The following VASP variants were observed in gnomAD, a reference collection of about 807,000 sequenced individuals.
VASP encodes the protein vasodilator stimulated phosphoprotein.
VASP carries 27 observed loss-of-function variants against 54.4 expected under a neutral mutation model. The ratio of observed to expected loss-of-function variants is 0.50; its 90% confidence interval spans 0.37 to 0.68. VASP has a LOEUF of 0.68. Ranked by LOEUF, VASP falls within the 30% of genes least tolerant of loss-of-function variation. VASP has a pLI of 0.00. For missense variants in VASP, 488 were observed against 528.3 expected (o/e 0.92, Z 0.75); for synonymous variants, 233 against 209.8 (o/e 1.11, Z -0.96).
intron 1 of VASP, among the ~76,000 whole-genome samples, chr19:45,513,938 G>A (rs1302197788): frequency 1.3e-5 from 2 of 152,210 alleles, no homozygotes; most frequent in Non-Finnish European, 2.9e-5. Context: ...TCTAGGTTCT[G>A]GGGACACAGC....
intron 7 of VASP, among the ~76,000 whole-genome samples, chr19:45,523,317 C>G (rs941621290): frequency 6.7e-6 from 1 of 148,290 alleles, no homozygotes; most frequent in Admixed American, 6.9e-5. Context: ...GTTCTTCTGC[C>G]TCAGCCTCCT....
chr19:45,526,147 C>G lies in VASP; in HGVS notation c.1113C>G (p.Val371=). The change falls in exon 13 of 13, where the codon GTC becomes GTG. Residue 371 remains valine, a synonymous_variant. Coordinates refer to ENST00000245932, the MANE Select transcript of VASP (RefSeq NM_003370.4). ...CTCCTTGTTTCCTTCCAGCCTTCGT[C>G]CAGGAGCTGAGGAAGCGGGGTTCTC... ...KVKEEIIEAF[V]QELRKRGSP 1.2e-6 allele frequency: 2 copies of G among 1,613,748 alleles called. No homozygotes were observed. The highest frequency in any genetic ancestry group is 1.7e-6 in the Non-Finnish European group (2 of 1,179,940).
chr19:45,510,697 C>A (rs1049348738), intron 1 of VASP, among the ~76,000 whole-genome samples: 9 of 152,072 alleles, frequency 5.9e-5, no homozygotes, highest in African/African-American at 2.2e-4. Flanking sequence ...CTTTGGGAGG[C>A]CAAGGCAGAA....
chr19:45,520,500 A>G (rs1968808827), intron 3 of VASP, among the ~76,000 whole-genome samples: 1 of 152,228 alleles, frequency 6.6e-6, no homozygotes, highest in Admixed American at 6.5e-5. Flanking sequence ...GCACACAGAA[A>G]AATACAGTGG....
At chr19:45,514,752 G>A (rs996812112) in intron 1 of VASP, among the ~76,000 whole-genome samples, 8 of 152,224 alleles carry the variant, frequency 5.3e-5, no homozygotes, top group Middle Eastern at 3.4e-3. Context: ...GGGTGAGGCC[G>A]AGGCCTTAAC....
rs117611675 is a variant in VASP at position 45,525,811 on chromosome 19, A to G, written c.1048-135A>G. On this transcript the variant is annotated intron_variant, in intron 11 of 12. Coordinates refer to ENST00000245932, the MANE Select transcript of VASP (RefSeq NM_003370.4). ...CTGAGCCTGGGAAGTTGAGGCTGCAATGAGCTGTGATCATGCCATTGCACC... is the reference window on the plus strand; with the variant it reads ...CTGAGCCTGGGAAGTTGAGGCTGCAGTGAGCTGTGATCATGCCATTGCACC... The G allele has an allele frequency of 6.0e-3, 4,881 of 806,818 alleles. 20 individuals are homozygous for G. The highest frequency in any genetic ancestry group is 7.6e-3 in the Non-Finnish European group (3,900 of 510,698). 50.0% of individuals were successfully genotyped at this position (806,818 alleles called of 1,614,324 possible). A position where few individuals can be genotyped will look rare whatever the true frequency, so the allele number is the denominator to read the frequency against.
In VASP at chr19:45,526,147, C is replaced by T; in HGVS notation, c.1113C>T (p.Val371=). 1 of 1,613,748 alleles carries T rather than the reference C, an allele frequency of 6.2e-7. No homozygotes were observed. Among genetic ancestry groups the T allele is most frequent in the Non-Finnish European group, 8.5e-7 (1 of 1,179,940 alleles). The change falls in exon 13 of 13, where the codon GTC becomes GTT. Residue 371 remains valine, a synonymous_variant. Transcript: ENST00000245932. ...CTCCTTGTTTCCTTCCAGCCTTCGT[C>T]CAGGAGCTGAGGAAGCGGGGTTCTC... ...KVKEEIIEAF[V]QELRKRGSP
intron 1 of VASP, among the ~76,000 whole-genome samples, chr19:45,511,478 G>A (rs1436825792): frequency 6.6e-6 from 1 of 152,118 alleles, no homozygotes; most frequent in Non-Finnish European, 1.5e-5. Flanking sequence ...AACTTGAACC[G>A]TCTTTTCATC....
In VASP at chr19:45,522,749, C is replaced by G; in HGVS notation, c.752C>G (p.Pro251Arg). 6.2e-7 allele frequency: 1 copy of G among 1,602,590 alleles called. No individual in the cohort carries two copies. Among genetic ancestry groups the G allele is most frequent in the Non-Finnish European group, 8.5e-7 (1 of 1,177,074 alleles). ...GAGGCCTCAGGGGGGCCCACAGCCC[C>G]CAAAGCTGAGAGTGGTCGAAGCGGA... ...QEEASGGPTA[P>R]KAESGRSGGG... The change falls in exon 7 of 13, where the codon CCC becomes CGC. Residue 251 changes from proline (P) to arginine (R), a missense_variant. Coordinates refer to ENST00000245932, the MANE Select transcript of VASP (RefSeq NM_003370.4).
intron 1 of VASP, among the ~76,000 whole-genome samples, chr19:45,509,934 A>T (rs1968568542): frequency 6.6e-6 from 1 of 152,004 alleles, no homozygotes; most frequent in Non-Finnish European, 1.5e-5. Context: ...GGAAGAGAGG[A>T]TGTTAAGATG....
intron 3 of VASP, among the ~76,000 whole-genome samples, chr19:45,520,754 A>G (rs1968813226): frequency 6.6e-6 from 1 of 152,162 alleles, no homozygotes. Context: ...ACTTGAGGTC[A>G]GGAGTTCGAG....
chr19:45,525,001 A>G (rs1046138240), intron 11 of VASP: 4 of 244,292 alleles, frequency 1.6e-5, no homozygotes, highest in Non-Finnish European at 3.3e-5. Context: ...TTCCGGCTCC[A>G]AGGATCCAGA....
intron 3 of VASP, among the ~76,000 whole-genome samples, chr19:45,518,788 C>G (rs937818580): frequency 6.6e-6 from 1 of 152,130 alleles, no homozygotes; most frequent in Non-Finnish European, 1.5e-5. Context: ...CCTCAGCCTC[C>G]TAAGTAGCTG....
At chr19:45,523,765 TG>T (rs1968896840) in intron 8 of VASP, 70 bp downstream of exon 8, 7 of 1,613,722 alleles carry the variant, frequency 4.3e-6, no homozygotes, top group Non-Finnish European at 5.9e-6. Context: ...GTGGGATGTG[TG>T]GGGTTTGAAC....
At chr19:45,519,997 T>G (rs890626100) in intron 3 of VASP, among the ~76,000 whole-genome samples, 1 of 144,078 alleles carries the variant, frequency 6.9e-6, no homozygotes, top group Non-Finnish European at 1.5e-5. Flanking sequence ...CTCCGCCTCC[T>G]GAGTTTAAGC....
chr19:45,522,814 C>T lies in VASP; in HGVS notation c.817C>T (p.Arg273Trp), dbSNP rs776375532. 5.0e-6 allele frequency: 8 copies of T among 1,605,584 alleles called. No homozygotes were observed. The highest frequency in any genetic ancestry group is 4.5e-5 in the East Asian group (2 of 43,980). The change falls in exon 7 of 13, where the codon CGG (arginine) becomes TGG (tryptophan). Residue 273 changes from arginine to tryptophan, a missense_variant. Physicochemically the swap from Arg to Trp is moderately radical, Grantham distance 101. Around this residue, in one of 4 missense-constraint regions of VASP, gnomAD observed 126 missense variants for 134.8 expected, o/e 0.94. Coordinates refer to ENST00000245932, the MANE Select transcript of VASP (RefSeq NM_003370.4). ...GGAAGAGATGAACGCCATGCTGGCCCGGAGGTGAGCCTGAGCCTGGACCCC... is the reference window on the plus strand; with the variant it reads ...GGAAGAGATGAACGCCATGCTGGCCTGGAGGTGAGCCTGAGCCTGGACCCC... ...LMEEMNAMLARRRKATQVGEK... is the reference protein window; with the variant it reads ...LMEEMNAMLAWRRKATQVGEK...
At position 45,522,827 on chromosome 19, in the gene VASP, G is replaced by A; in HGVS notation, c.821+9G>A. The A allele has an allele frequency of 6.2e-7, 1 of 1,603,158 alleles. No individual in the cohort carries two copies. The highest frequency in any genetic ancestry group is 1.1e-5 in the South Asian group (1 of 89,838). On this transcript the variant is annotated intron_variant, in intron 7 of 12. Transcript: ENST00000245932. ...GCCATGCTGGCCCGGAGGTGAGCCT[G>A]AGCCTGGACCCCCAAGTCACCTGGA...
chr19:45,521,577 A>C (rs1968834898), intron 4 of VASP, among the ~76,000 whole-genome samples, 171 bp downstream of exon 4: 2 of 152,206 alleles, frequency 1.3e-5, no homozygotes, highest in Admixed American at 1.3e-4. Flanking sequence ...ATTCCTGGAA[A>C]TCAGAATATG....
At chr19:45,525,695 C>CA (rs546240891) in intron 11 of VASP, 14,149 of 314,176 alleles carry the variant, frequency 0.045, 2 homozygotes, top group South Asian at 0.063. Context: ...GACTCTGTTT[C>CA]AAAAAAAAAA....
Sources: gnomAD v4.1 joint callset for allele counts (sites outside exome capture counted in the v4.1 genomes callset) on GRCh38, gnomAD v4.1.1 for gene constraint, gnomAD v4.1.1 regional missense constraint, MANE v1.5 for transcripts, NCBI Gene and HGNC (gene_info 2026-07-23, HGNC 2026-07-21) for gene names.